Variants in MAP2K2 observed in about 807,000 individuals in gnomAD.
MAP2K2 encodes mitogen-activated protein kinase kinase 2.
Under a neutral mutation model 43.7 loss-of-function variants are expected in MAP2K2, and 24 were observed. That is an observed-to-expected ratio of 0.55 (90% confidence interval 0.40 to 0.77). The LOEUF (loss-of-function observed/expected upper bound fraction) is 0.77. Among genes scored for constraint, MAP2K2 ranks in the 30% least tolerant of loss-of-function variants. The pLI is 0.00. For synonymous variants in MAP2K2, 244 were observed against 239.7 expected, an observed-to-expected ratio of 1.02 and a Z score of -0.17; for missense variants, 470 against 566.8, an observed-to-expected ratio of 0.83 and a Z score of 1.73.
At chr19:4,107,406 C>T (rs2041096963) in intron 3 of MAP2K2, among the ~76,000 whole-genome samples, 1 of 151,692 alleles carries the variant, frequency 6.6e-6, no homozygotes, top group Admixed American at 6.6e-5. Context: ...CGCCTGTAGT[C>T]CCAGCTACTC....
rs2040993410 is a variant in MAP2K2, at chr19:4,100,671, C to G, written c.705+348G>C. The G allele has an allele frequency of 1.2e-5, 4 of 335,342 alleles. No individual in the cohort carries two copies. The South Asian group carries it at 1.4e-4, about 12-fold the overall frequency. The allele number at this position is 335,342 out of a possible 1,614,324, so 20.8% of individuals were successfully genotyped here. On this transcript the variant is annotated intron_variant, in intron 6 of 10. Coordinates refer to ENST00000262948, the MANE Select transcript of MAP2K2 (RefSeq NM_030662.4). ...TGTCTACAAAAGATTAGTAAATTAACAAATAAAAAATAAAGAGCAAGGGGA... is the reference window on the plus strand; with the variant it reads ...TGTCTACAAAAGATTAGTAAATTAAGAAATAAAAAATAAAGAGCAAGGGGA...
chr19:4,111,123 G>A (rs1010859557), intron 2 of MAP2K2, among the ~76,000 whole-genome samples: 4 of 152,144 alleles, frequency 2.6e-5, no homozygotes, highest in Non-Finnish European at 5.9e-5. Context: ...TGTGGGTGCC[G>A]GGGGCTGGAG....
chr19:4,106,888 G>T (rs951637969), intron 3 of MAP2K2, among the ~76,000 whole-genome samples: 3 of 152,132 alleles, frequency 2.0e-5, no homozygotes, highest in Non-Finnish European at 4.4e-5. Flanking sequence ...AGAACAAGAC[G>T]GGCATTCTTC....
intron 10 of MAP2K2, among the ~76,000 whole-genome samples, chr19:4,091,684 T>TGTCGCACAG (rs2040856828): frequency 1.3e-5 from 2 of 152,016 alleles, no homozygotes; most frequent in Admixed American, 6.6e-5. Context: ...AGTCTTGCTC[T>TGTCGCACAG]GTCGCACAGG....
chr19:4,101,971 C>A lies in MAP2K2; in HGVS notation c.528+405G>T, dbSNP rs1323314388. On this transcript the variant is annotated intron_variant, in intron 4 of 10. Transcript: ENST00000262948. The surrounding 1 kb of genome is among the most constrained non-coding windows in gnomAD (Gnocchi z 6.3). ...GACCGGGCAGCAGAGACGCCCTTGGCCCCGGTGACATTTCTAACAGCAATG... is the reference window on the plus strand; with the variant it reads ...GACCGGGCAGCAGAGACGCCCTTGGACCCGGTGACATTTCTAACAGCAATG... Among the ~76,000 whole-genome samples, 1 of 152,098 alleles carries A rather than the reference C, an allele frequency of 6.6e-6. No homozygotes were observed.
chr19:4,090,936 C>A (rs2040848987), intron 10 of MAP2K2, among the ~76,000 whole-genome samples: 3 of 152,206 alleles, frequency 2.0e-5, no homozygotes, highest in African/African-American at 7.2e-5. Flanking sequence ...CTGCACTCCA[C>A]CTGGGGCGGG....
chr19:4,119,955 G>A (rs968674834), intron 1 of MAP2K2, among the ~76,000 whole-genome samples: 7 of 152,284 alleles, frequency 4.6e-5, no homozygotes, highest in African/African-American at 7.2e-5. Flanking sequence ...GAACCGAGGC[G>A]ATGGCGCTGG....
chr19:4,120,090 C>T (rs996191740), intron 1 of MAP2K2, among the ~76,000 whole-genome samples: 35 of 152,204 alleles, frequency 2.3e-4, no homozygotes, highest in African/African-American at 8.4e-4. Flanking sequence ...GGAACAGACT[C>T]ACAGGGGTGG....
At position 4,124,104 on chromosome 19, in the gene MAP2K2, CGCAGCCCGAGTCCGAGAG is replaced by C. The variant is rs1334095238; in HGVS notation, c.-247_-230del. ...GCCGAGGCCCGAAGAAGGCTGACGCCGCAGCCCGAGTCCGAGAGGCAGGGGGAGGGGAGGGGCGGCCAC... is the reference window on the plus strand; with the variant it reads ...GCCGAGGCCCGAAGAAGGCTGACGCCGCAGGGGGAGGGGAGGGGCGGCCAC... On this transcript the variant is annotated 5_prime_UTR_variant, in exon 1 of 11. Coordinates refer to ENST00000262948, the MANE Select transcript of MAP2K2 (RefSeq NM_030662.4). 1 of 215,040 alleles carries C rather than the reference CGCAGCCCGAGTCCGAGAG, an allele frequency of 4.7e-6. No homozygotes were observed. The highest frequency in any genetic ancestry group is 2.3e-5 in the African/African-American group (1 of 44,252). 13.3% of individuals were successfully genotyped at this position (215,040 alleles called of 1,614,324 possible).
chr19:4,098,674 A>G (rs1022402308), intron 7 of MAP2K2, among the ~76,000 whole-genome samples: 2 of 152,080 alleles, frequency 1.3e-5, no homozygotes, highest in Admixed American at 1.3e-4. Flanking sequence ...CTGCGAGCCC[A>G]GCTGTCCCTG....
At chr19:4,096,603 G>A (rs2040921029) in intron 8 of MAP2K2, among the ~76,000 whole-genome samples, 1 of 152,206 alleles carries the variant, frequency 6.6e-6, no homozygotes, top group South Asian at 2.1e-4. Flanking sequence ...GACGGAGCAG[G>A]AGCCACCCCG....
intron 1 of MAP2K2, among the ~76,000 whole-genome samples, chr19:4,120,113 G>A (rs890546650): frequency 6.6e-6 from 1 of 152,178 alleles, no homozygotes; most frequent in African/African-American, 2.4e-5. Flanking sequence ...GAACCTGCCC[G>A]AGGTAACAAC....
chr19:4,106,925 G>A (rs184839831), intron 3 of MAP2K2, among the ~76,000 whole-genome samples: 157 of 152,302 alleles, frequency 1.0e-3, no homozygotes, highest in African/African-American at 3.7e-3. Context: ...CCCCCAGAAA[G>A]GCCAAGGGGC....
intron 1 of MAP2K2, among the ~76,000 whole-genome samples, chr19:4,120,353 G>A (rs771991091): frequency 7.9e-5 from 12 of 152,164 alleles, no homozygotes; most frequent in Non-Finnish European, 1.3e-4. Flanking sequence ...TTGCTCTGTC[G>A]CCCAGGCTGG....
rs528790123 is a variant in MAP2K2 at position 4,103,155 on chromosome 19, C to T, written c.451-702G>A. 52 of 992,110 alleles carry T rather than the reference C, an allele frequency of 5.2e-5. No individual in the cohort carries two copies. In the African/African-American group the frequency reaches 7.0e-4, roughly 13 times the overall value. The allele number at this position is 992,110 out of a possible 1,614,324, so 61.5% of individuals were successfully genotyped here. A position where few individuals can be genotyped will look rare whatever the true frequency, so the allele number is the denominator to read the frequency against. ...ACGCCAGCCCAGGTGACGGTAACCT[C>T]GGCCCCTCCCCACAGCCTGTGGTCT... is the stretch of plus-strand genomic sequence containing the variant. On this transcript the variant is annotated intron_variant, in intron 3 of 10. Transcript: ENST00000262948.
intron 1 of MAP2K2, among the ~76,000 whole-genome samples, chr19:4,123,360 G>A (rs1262106071): frequency 6.6e-6 from 1 of 150,870 alleles, no homozygotes; most frequent in Non-Finnish European, 1.5e-5. Flanking sequence ...GCTGCTCAGG[G>A]ACCCCTGTCC....
At chr19:4,100,676 A>C in intron 6 of MAP2K2, 1 of 344,614 alleles carries the variant, frequency 2.9e-6, no homozygotes, top group East Asian at 5.9e-5. Context: ...ATTAACAAAT[A>C]AAAAATAAAG....
intron 1 of MAP2K2, among the ~76,000 whole-genome samples, chr19:4,118,386 G>A (rs1024197306): frequency 6.6e-6 from 1 of 152,158 alleles, no homozygotes; most frequent in Non-Finnish European, 1.5e-5. Flanking sequence ...AGCACAGAAT[G>A]AGAACCAAGA....
At position 4,094,790 on chromosome 19, in the gene MAP2K2, A is replaced by G. The variant is rs2040892398; in HGVS notation, c.1047-292T>C. Reference sequence around the variant, plus strand: ...AGAAGCCTGGACGCAACCCCAGCTAACTGTCTAATAAAACCCCAGGCCCGG... The same window carrying G: ...AGAAGCCTGGACGCAACCCCAGCTAGCTGTCTAATAAAACCCCAGGCCCGG... On this transcript the variant is annotated intron_variant, in intron 9 of 10. Coordinates refer to ENST00000262948, the MANE Select transcript of MAP2K2 (RefSeq NM_030662.4). The G allele has an allele frequency of 6.0e-6, 3 of 498,734 alleles. No homozygotes were observed. The East Asian group carries it at 1.0e-4, about 17-fold the overall frequency. 30.9% of individuals were successfully genotyped at this position (498,734 alleles called of 1,614,324 possible). A position where few individuals can be genotyped will look rare whatever the true frequency, so the allele number is the denominator to read the frequency against.
Sources: gnomAD v4.1 joint callset for allele counts (sites outside exome capture counted in the v4.1 genomes callset) on GRCh38, gnomAD v4.1.1 for gene constraint, Gnocchi (gnomAD v3.1) non-coding constraint, MANE v1.5 for transcripts, NCBI Gene and HGNC (gene_info 2026-07-23, HGNC 2026-07-21) for gene names.